Variants in MYBPC2 observed in about 807,000 individuals in gnomAD.
MYBPC2 encodes the protein myosin-binding protein C, fast-type.
In MYBPC2, 122 loss-of-function variants were observed where a neutral mutation model predicts 137.0. That is an observed-to-expected ratio of 0.89 (90% CI 0.77 to 1.03). MYBPC2 has a LOEUF of 1.03. Ranked by LOEUF, MYBPC2 falls within the 50% of genes least tolerant of loss-of-function variation. MYBPC2 has a pLI of 0.00. For missense variants in MYBPC2, 1,500 were observed against 1,534.4 expected (o/e 0.98, Z 0.37); for synonymous variants, 626 against 612.3 (o/e 1.02, Z -0.33).
At chr19:50,451,402 G>A (rs990084897) in intron 15 of MYBPC2, 93 bp downstream of exon 15, 4 of 1,335,362 alleles carry the variant, frequency 3.0e-6, no homozygotes, top group East Asian at 2.6e-5. Context: ...TAGGCAGGGC[G>A]AGGAAGGATG....
intron 9 of MYBPC2, among the ~76,000 whole-genome samples, chr19:50,442,619 G>A (rs1189996401): frequency 6.6e-6 from 1 of 151,774 alleles, no homozygotes; most frequent in African/African-American, 2.4e-5. Context: ...CAGCTACTTG[G>A]GAGGCTGAGG....
chr19:50,454,251 C>T lies in MYBPC2; in HGVS notation c.1910-14C>T, dbSNP rs758933066. The T allele has an allele frequency of 2.5e-6, 4 of 1,613,840 alleles. No individual in the cohort carries two copies. Among genetic ancestry groups the T allele is most frequent in the Middle Eastern group, 1.6e-4 (1 of 6,062 alleles). On this transcript the variant is annotated splice_polypyrimidine_tract_variant and intron_variant, in intron 17 of 27. Coordinates refer to ENST00000357701, the MANE Select transcript of MYBPC2 (RefSeq NM_004533.4). ...AGGCCTCGAGGGGCCACCTGACTCT[C>T]CTGCCCCCTGCAGATGTCCCAGACC...
intron 1 of MYBPC2, among the ~76,000 whole-genome samples, chr19:50,433,415 T>G (rs573705858): frequency 1.3e-5 from 2 of 151,266 alleles, no homozygotes; most frequent in East Asian, 3.9e-4. Context: ...GTTTTTGGTT[T>G]TTTTTTTGAG....
In MYBPC2 at chr19:50,436,638, ATTGGGAAGG is replaced by A; in HGVS notation, c.369_377del (p.Ile123_Val126delinsMet). On this transcript the variant is annotated inframe_deletion, in exon 5 of 28. Transcript: ENST00000357701. Reference sequence around the variant, plus strand: ...CCAGGTGTACACCGTGGAGCTGCACATTGGGAAGGTGGTACTGGGGGACCGTGGGTATTA... The same window carrying A: ...CCAGGTGTACACCGTGGAGCTGCACATGGTACTGGGGGACCGTGGGTATTA... 6.2e-7 allele frequency: 1 copy of A among 1,613,906 alleles called. No individual in the cohort carries two copies. Among genetic ancestry groups the A allele is most frequent in the South Asian group, 1.1e-5 (1 of 91,074 alleles).
At chr19:50,450,115 C>A (rs2039842742) in intron 13 of MYBPC2, among the ~76,000 whole-genome samples, 2 of 152,134 alleles carry the variant, frequency 1.3e-5, no homozygotes, top group African/African-American at 4.8e-5. Context: ...CAAGATCATG[C>A]CATTGCACTC....
At chr19:50,441,824 A>C (rs11084018) in intron 8 of MYBPC2, among the ~76,000 whole-genome samples, 78,177 of 151,338 alleles carry the variant, frequency 0.52, 20,430 homozygotes, top group South Asian at 0.6. Flanking sequence ...TGGGGAACAG[A>C]GTGAGACTCT....
In MYBPC2 at chr19:50,454,400, C is replaced by A. The variant is rs189244862; in HGVS notation, c.2014+31C>A. The A allele has an allele frequency of 5.5e-4, 783 of 1,430,636 alleles. 8 individuals are homozygous for A. In the East Asian group the frequency reaches 0.017, roughly 31 times the overall value. 88.6% of individuals were successfully genotyped at this position (1,430,636 alleles called of 1,614,324 possible). On this transcript the variant is annotated intron_variant, in intron 18 of 27. Transcript: ENST00000357701. ...TGCCTCTGTCCTCATGACCTCTGAC[C>A]TTCCCTCTTTCTGCCTTCTGTTTTT...
At chr19:50,458,432 T>A (rs2039933644) in intron 20 of MYBPC2, among the ~76,000 whole-genome samples, 155 bp from the exon 21 acceptor site, 2 of 151,104 alleles carry the variant, frequency 1.3e-5, no homozygotes, top group Admixed American at 1.3e-4. Flanking sequence ...CTGGCCATGA[T>A]GAATGCTTAA....
rs2039933951 is a variant in MYBPC2, at chr19:50,458,442, A to G, written c.2339-145A>G. 4.1e-6 allele frequency: 4 copies of G among 984,604 alleles called. No individual in the cohort carries two copies. The South Asian group carries it at 6.8e-5, about 17-fold the overall frequency. The allele number at this position is 984,604 out of a possible 1,614,324, so 61.0% of individuals were successfully genotyped here. ...AGAACCTGGCCATGATGAATGCTTA[A>G]CTAACTCCAGCTGCTGCTGCTGCTT... On this transcript the variant is annotated intron_variant, in intron 20 of 27. Coordinates refer to ENST00000357701, the MANE Select transcript of MYBPC2 (RefSeq NM_004533.4).
chr19:50,441,914 T>C (rs915522335), intron 8 of MYBPC2, among the ~76,000 whole-genome samples: 1 of 152,086 alleles, frequency 6.6e-6, no homozygotes, highest in African/African-American at 2.4e-5. Context: ...AAAGCTGTTT[T>C]CTTCTACCTA....
rs533329313 is a variant in MYBPC2, at chr19:50,436,637, C to T, written c.366C>T (p.His122=). The change falls in exon 5 of 28, where the codon CAC becomes CAT. Residue 122 remains histidine (H), a synonymous_variant. Transcript: ENST00000357701. The part of the protein sequence containing the change: ...SASNVYTVEL[H]IGKVVLGDRG... ...CCCAGGTGTACACCGTGGAGCTGCACATTGGGAAGGTGGTACTGGGGGACC... is the reference window on the plus strand; with the variant it reads ...CCCAGGTGTACACCGTGGAGCTGCATATTGGGAAGGTGGTACTGGGGGACC... The T allele has an allele frequency of 1.8e-5, 29 of 1,613,934 alleles. 1 individual carries two copies. The South Asian group carries it at 2.3e-4, about 13-fold the overall frequency.
At chr19:50,452,225 T>G (rs568344622) in intron 16 of MYBPC2, among the ~76,000 whole-genome samples, 1 of 152,338 alleles carries the variant, frequency 6.6e-6, no homozygotes, top group South Asian at 2.1e-4. Flanking sequence ...ATTAATCAAG[T>G]GATCGACCAG....
Position 50,454,053 on chromosome 19 carries a change from G to C in MYBPC2, c.1783G>C (p.Glu595Gln). The C allele has an allele frequency of 1.9e-6, 3 of 1,607,956 alleles. No homozygotes were observed. The highest frequency in any genetic ancestry group is 2.2e-5 in the East Asian group (1 of 44,582). Residue 595 changes from glutamate to glutamine, a missense_variant, in exon 17 of 28, where the codon GAG becomes CAG. By Grantham distance (29) the Glu-to-Gln change is conservative (BLOSUM62 2). Coordinates refer to ENST00000357701, the MANE Select transcript of MYBPC2 (RefSeq NM_004533.4). ...FTTTEGRTRI[E>Q]KRVDCSSFVI... ...GACCACCGAGGGCAGGACCCGCATCGAGAAGCGGGTGGACTGCAGCAGCTT... is the reference window on the plus strand; with the variant it reads ...GACCACCGAGGGCAGGACCCGCATCCAGAAGCGGGTGGACTGCAGCAGCTT...
At chr19:50,441,104 C>T (rs747062256) in intron 8 of MYBPC2, 28 bp downstream of exon 8, 6 of 1,549,690 alleles carry the variant, frequency 3.9e-6, no homozygotes, top group African/African-American at 2.8e-5. Context: ...GGGAGCTGGG[C>T]CCTGCACACA....
intron 18 of MYBPC2, among the ~76,000 whole-genome samples, 166 bp downstream of exon 18, chr19:50,454,535 C>T (rs553602210): frequency 4.4e-4 from 65 of 148,834 alleles, no homozygotes; most frequent in African/African-American, 1.2e-3. Flanking sequence ...AAGCAATTCT[C>T]CTGCCTCAGC....
intron 5 of MYBPC2, 122 bp downstream of exon 5, chr19:50,436,856 G>A: frequency 1.2e-6 from 1 of 843,018 alleles, no homozygotes. Flanking sequence ...GTTTTTGGAG[G>A]AGGGAGTGCA....
chr19:50,436,280 G>A, intron 4 of MYBPC2, 120 bp downstream of exon 4: 1 of 1,418,270 alleles, frequency 7.1e-7, no homozygotes, highest in Non-Finnish European at 9.4e-7. Context: ...TGGAGAGTGG[G>A]CCCTCTGAGG....
chr19:50,464,334 G>T lies in MYBPC2; in HGVS notation c.3229-12G>T. On this transcript the variant is annotated splice_polypyrimidine_tract_variant and intron_variant, in intron 26 of 27. Coordinates refer to ENST00000357701, the MANE Select transcript of MYBPC2 (RefSeq NM_004533.4). ...TCTCTAAGTTGGCCTCCTCTCCCTT[G>T]ACTCTCAACAGCCGAAGGTGGTCTG... is the stretch of plus-strand genomic sequence containing the variant. The T allele has an allele frequency of 1.3e-6, 2 of 1,597,120 alleles. No homozygotes were observed. The highest frequency in any genetic ancestry group is 2.3e-5 in the South Asian group (2 of 87,488).
Position 50,460,144 on chromosome 19 carries a change from G to A in MYBPC2, c.2896G>A (p.Gly966Arg), listed in dbSNP as rs549661674. 114 of 1,594,180 alleles carry A rather than the reference G, an allele frequency of 7.2e-5. 1 individual carries two copies. The South Asian group carries it at 1.2e-3, about 16-fold the overall frequency. The change falls in exon 24 of 28, where the codon GGG (glycine) becomes AGG (arginine). Residue 966 changes from glycine to arginine, a missense_variant. Gly to Arg is a moderately radical substitution (Grantham distance 125). Coordinates refer to ENST00000357701, the MANE Select transcript of MYBPC2 (RefSeq NM_004533.4). ...PKDDGNSEIM[G>R]YFVQKADKKT... is the part of the protein sequence containing the mutation. The stretch of plus-strand genomic sequence containing the variant: ...AGATGATGGGAACAGTGAGATCATG[G>A]GGTATTTCGTCCAGAAAGCAGACAA...
Sources: allele counts gnomAD v4.1 joint callset (sites outside exome capture counted in the v4.1 genomes callset), GRCh38; gene constraint gnomAD v4.1.1; transcripts MANE v1.5; gene names NCBI Gene and HGNC (gene_info 2026-07-23, HGNC 2026-07-21).